The following ZNF266 variants were observed in gnomAD, a reference collection of about 807,000 sequenced individuals.
The protein encoded by ZNF266 is zinc finger protein 266.
Under a neutral mutation model 16.4 loss-of-function variants are expected in ZNF266, and 16 were observed. The observed-to-expected ratio is 0.98, with a 90% confidence interval of 0.66 to 1.48. The LOEUF (loss-of-function observed/expected upper bound fraction) is 1.48, where lower values mean the gene tolerates loss of function less well. ZNF266 is among the 40% of genes most tolerant of loss of function. The pLI, the probability that ZNF266 is intolerant of heterozygous loss-of-function variation, is 0.00. For missense variants in ZNF266, 738 were observed against 689.1 expected (o/e 1.07, Z -0.79); for synonymous variants, 262 against 237.9 (o/e 1.10, Z -0.93).
intron 5 of ZNF266, among the ~76,000 whole-genome samples, chr19:9,432,182 C>T (rs2071712820): frequency 6.6e-6 from 1 of 152,160 alleles, no homozygotes; most frequent in Admixed American, 6.5e-5. Context: ...TGGCCTTCAA[C>T]TCCTGACCTG....
chr19:9,413,020 G>C lies in ZNF266; in HGVS notation c.*255C>G, dbSNP rs200835189. Reference sequence around the variant, plus strand: ...CATTAAGGTTTGTGGGATTCAGAAAGGTATTCCCAGATTCTCTACATTCAT... The same window carrying C: ...CATTAAGGTTTGTGGGATTCAGAAACGTATTCCCAGATTCTCTACATTCAT... On this transcript the variant is annotated 3_prime_UTR_variant, in exon 11 of 11. Coordinates refer to ENST00000592904, the MANE Select transcript of ZNF266 (RefSeq NM_001370374.1). The C allele has an allele frequency of 5.9e-6, 3 of 505,786 alleles. No individual in the cohort carries two copies. Among genetic ancestry groups the C allele is most frequent in the African/African-American group, 1.9e-5 (1 of 51,950 alleles). The allele number at this position is 505,786 out of a possible 1,614,324, so 31.3% of individuals were successfully genotyped here. A position where few individuals can be genotyped will look rare whatever the true frequency, so the allele number is the denominator to read the frequency against.
chr19:9,413,294 T>C lies in ZNF266; in HGVS notation c.1832A>G (p.Asp611Gly), dbSNP rs562431926. Reference protein sequence around the residue: ...SFRNHERRHADERLSA With the variant: ...SFRNHERRHAGERLSA The stretch of plus-strand genomic sequence containing the variant: ...CATTCCTTATGCTGACAGTCTCTCA[T>C]CCGCATGCCTTCTTTCATGATTTCG... The change falls in exon 11 of 11, where the codon GAT becomes GGT. Residue 611 changes from aspartate to glycine, a missense_variant. Asp to Gly is a moderately conservative substitution (Grantham distance 94). Transcript: ENST00000592904. 6.3e-7 allele frequency: 1 copy of C among 1,594,540 alleles called. No homozygotes were observed. Among genetic ancestry groups the C allele is most frequent in the African/African-American group, 1.3e-5 (1 of 74,488 alleles).
At position 9,414,086 on chromosome 19, in the gene ZNF266, G is replaced by T. The variant is rs780109780; in HGVS notation, c.1040C>A (p.Ser347Tyr). 7 of 1,613,502 alleles carry T rather than the reference G, an allele frequency of 4.3e-6. No individual in the cohort carries two copies. The highest frequency in any genetic ancestry group is 5.1e-6 in the Non-Finnish European group (6 of 1,179,874). ...CKDCGRAFTVSSCLSQHMKIH... is the reference protein window; with the variant it reads ...CKDCGRAFTVYSCLSQHMKIH... The stretch of plus-strand genomic sequence containing the variant: ...TTTCATATGTTGACTTAAGCAAGAG[G>T]AAACAGTGAAGGCTCTCCCACAATC... The change falls in exon 11 of 11, where the codon TCC (serine) becomes TAC (tyrosine). Residue 347 changes from serine (S) to tyrosine (Y), a missense_variant. Physicochemically the swap from Ser to Tyr is moderately radical, Grantham distance 144. Transcript: ENST00000592904.
At position 9,435,113 on chromosome 19, in the gene ZNF266, C is replaced by G. The variant is rs1166314840; in HGVS notation, c.-477G>C. The G allele has an allele frequency of 1.3e-5, 2 of 151,810 alleles. No homozygotes were observed. Among genetic ancestry groups the G allele is most frequent in the Non-Finnish European group, 2.9e-5 (2 of 68,008 alleles). The allele number at this position is 151,810 out of a possible 1,614,324, so 9.4% of individuals were successfully genotyped here. On this transcript the variant is annotated 5_prime_UTR_variant, in exon 2 of 11. Transcript: ENST00000592904. ...ACTTTCACCCCAGTACTCACCGCGA[C>G]GAGCTGGACTCGCCAGGTACGGGAG...
At position 9,414,189 on chromosome 19, in the gene ZNF266, C is replaced by A; in HGVS notation, c.937G>T (p.Gly313Trp). ...GDNPYECKEC[G>W]KAFTRSCQLT... ...TGACAAGACCTGGTGAAGGCTTTCC[C>A]ACACTCCTTACACTCATAGGGATTG... is the stretch of plus-strand genomic sequence containing the variant. Residue 313 changes from glycine to tryptophan, a missense_variant, in exon 11 of 11, where the codon GGG (glycine) becomes TGG (tryptophan). By Grantham distance (184) the Gly-to-Trp change is radical (BLOSUM62 -2). Coordinates refer to ENST00000592904, the MANE Select transcript of ZNF266 (RefSeq NM_001370374.1). 1 of 1,613,966 alleles carries A rather than the reference C, an allele frequency of 6.2e-7. No individual in the cohort carries two copies. The highest frequency in any genetic ancestry group is 8.5e-7 in the Non-Finnish European group (1 of 1,179,900).
chr19:9,417,911 G>A lies in ZNF266; in HGVS notation c.236-3C>T. The A allele has an allele frequency of 1.2e-6, 2 of 1,613,768 alleles. No homozygotes were observed. Among genetic ancestry groups the A allele is most frequent in the African/African-American group, 1.3e-5 (1 of 75,030 alleles). On this transcript the variant is annotated splice_region_variant and splice_polypyrimidine_tract_variant and intron_variant, in intron 8 of 10. Coordinates refer to ENST00000592904, the MANE Select transcript of ZNF266 (RefSeq NM_001370374.1). ...ACTGGGTTTGAAGAGCTGATATCCTGTGCACAAAGAAAGATACATTACCAG... is the reference window on the plus strand; with the variant it reads ...ACTGGGTTTGAAGAGCTGATATCCTATGCACAAAGAAAGATACATTACCAG...
rs533207588 is a variant in ZNF266 at position 9,431,229 on chromosome 19, T to G, written c.-130+2439A>C. Among the ~76,000 whole-genome samples the G allele has an allele frequency of 3.3e-3, 509 of 152,064 alleles. 3 individuals are homozygous for G. Among genetic ancestry groups the G allele is most frequent in the Non-Finnish European group, 6.4e-3 (432 of 67,964 alleles). ...GTGTGGGTGTGAGGGCATTGGAGGG[T>G]GCTCTGTCCACGCCATATGCCCATA... is the stretch of plus-strand genomic sequence containing the variant. On this transcript the variant is annotated intron_variant, in intron 5 of 10. Transcript: ENST00000592904.
At chr19:9,434,662 C>A (rs1436652467) in intron 3 of ZNF266, 136 bp downstream of exon 3, 1 of 152,170 alleles carries the variant, frequency 6.6e-6, no homozygotes, top group East Asian at 1.9e-4. Flanking sequence ...CCTTTTTACA[C>A]AGGGTACATA....
At chr19:9,422,721 C>G (rs2070113973) in intron 5 of ZNF266, among the ~76,000 whole-genome samples, 1 of 152,156 alleles carries the variant, frequency 6.6e-6, no homozygotes, top group African/African-American at 2.4e-5. Flanking sequence ...AGAAGCACTA[C>G]AGCCCCGCTA....
In ZNF266 at chr19:9,413,045, TAC is replaced by T. The variant is rs2068460607; in HGVS notation, c.*228_*229del. On this transcript the variant is annotated 3_prime_UTR_variant, in exon 11 of 11. Coordinates refer to ENST00000592904, the MANE Select transcript of ZNF266 (RefSeq NM_001370374.1). ...GGTATTCCCAGATTCTCTACATTCA[TAC>T]AGTTTCTCTCCAGTGAGATTTCTGA... is the stretch of plus-strand genomic sequence containing the variant. The T allele has an allele frequency of 5.4e-6, 3 of 550,852 alleles. No individual in the cohort carries two copies. The highest frequency in any genetic ancestry group is 6.3e-6 in the Non-Finnish European group (2 of 319,128). The allele number at this position is 550,852 out of a possible 1,614,324, so 34.1% of individuals were successfully genotyped here. A position where few individuals can be genotyped will look rare whatever the true frequency, so the allele number is the denominator to read the frequency against.
intron 5 of ZNF266, among the ~76,000 whole-genome samples, chr19:9,421,074 T>G (rs1228182514): frequency 1.3e-5 from 2 of 152,192 alleles, no homozygotes; most frequent in Non-Finnish European, 2.9e-5. Context: ...TAATAAAAAT[T>G]AATCACAATC....
At chr19:9,421,468 G>C (rs921424668) in intron 5 of ZNF266, among the ~76,000 whole-genome samples, 1 of 152,146 alleles carries the variant, frequency 6.6e-6, no homozygotes, top group Non-Finnish European at 1.5e-5. Context: ...TTTGACAATC[G>C]CATACACTTG....
At chr19:9,421,445 T>C (rs2069865091) in intron 5 of ZNF266, among the ~76,000 whole-genome samples, 1 of 152,224 alleles carries the variant, frequency 6.6e-6, no homozygotes, top group Non-Finnish European at 1.5e-5. Context: ...TCTTAGGTAT[T>C]CAGTGGATGA....
At chr19:9,432,980 C>T (rs1314085883) in intron 5 of ZNF266, among the ~76,000 whole-genome samples, 1 of 152,112 alleles carries the variant, frequency 6.6e-6, no homozygotes, top group Non-Finnish European at 1.5e-5. Context: ...TTCTCCAATC[C>T]ACCTATTCCA....
Position 9,415,641 on chromosome 19 carries a change from T to C in ZNF266, c.405+13A>G. On this transcript the variant is annotated intron_variant, in intron 10 of 10. Transcript: ENST00000592904. ...TAAATGTGAAAACTAAGACGTATCC[T>C]TGTTAATCTTACCATTTGAATCCCA... The C allele has an allele frequency of 6.3e-7, 1 of 1,596,190 alleles. No individual in the cohort carries two copies. Among genetic ancestry groups the C allele is most frequent in the South Asian group, 1.1e-5 (1 of 90,734 alleles).
intron 9 of ZNF266, among the ~76,000 whole-genome samples, chr19:9,416,520 A>G (rs1430661650): frequency 7.5e-6 from 1 of 133,516 alleles, no homozygotes; most frequent in South Asian, 2.4e-4. Context: ...CCTACCACCA[A>G]GCCCAGCTAA....
chr19:9,422,857 G>T (rs2070142549), intron 5 of ZNF266, among the ~76,000 whole-genome samples: 1 of 152,144 alleles, frequency 6.6e-6, no homozygotes, highest in Non-Finnish European at 1.5e-5. Context: ...CACATACACA[G>T]ATTCATCAAA....
chr19:9,415,608 A>G lies in ZNF266; in HGVS notation c.405+46T>C, dbSNP rs752444760. The G allele has an allele frequency of 9.5e-6, 14 of 1,472,752 alleles. No individual in the cohort carries two copies. The Admixed American group carries it at 1.9e-4, about 20-fold the overall frequency. The allele number at this position is 1,472,752 out of a possible 1,614,324, so 91.2% of individuals were successfully genotyped here. A position where few individuals can be genotyped will look rare whatever the true frequency, so the allele number is the denominator to read the frequency against. ...CTGATTTTCTATAATGGAATCCCCA[A>G]TCATCTCTAAATGTGAAAACTAAGA... On this transcript the variant is annotated intron_variant, in intron 10 of 10. Transcript: ENST00000592904.
At chr19:9,421,040 A>C (rs1391004511) in intron 5 of ZNF266, among the ~76,000 whole-genome samples, 4 of 152,160 alleles carry the variant, frequency 2.6e-5, no homozygotes, top group Non-Finnish European at 5.9e-5. Context: ...AATTTAATAA[A>C]ATTTATACAA....
Sources: gnomAD v4.1 joint callset for allele counts (sites outside exome capture counted in the v4.1 genomes callset) on GRCh38, gnomAD v4.1.1 for gene constraint, MANE v1.5 for transcripts, NCBI Gene and HGNC (gene_info 2026-07-23, HGNC 2026-07-21) for gene names.